Variants in KCTD19 observed in about 807,000 individuals in gnomAD.
The protein encoded by KCTD19 is potassium channel tetramerization domain containing 19, also known as BTB/POZ domain-containing protein KCTD19.
KCTD19 carries 67 observed loss-of-function variants against 103.5 expected under a neutral mutation model. The observed-to-expected ratio is 0.65, with a 90% CI of 0.53 to 0.79. KCTD19 has a LOEUF of 0.79. Ranked by LOEUF, KCTD19 falls within the 30% of genes least tolerant of loss-of-function variation. The pLI, the probability that KCTD19 is intolerant of heterozygous loss-of-function variation, is 0.00. For missense variants in KCTD19, 980 were observed against 1,136.1 expected (o/e 0.86, Z 1.98); for synonymous variants, 439 against 452.2 (o/e 0.97, Z 0.37).
chr16:67,303,108 C>CTGGGGGGGGGG lies in KCTD19; in HGVS notation c.643+37_643+38insCCCCCCCCCCA. ...ATGGGGAGGGGTGAATGGGCCCTAT[C>CTGGGGGGGGGG]AGCCCGCCCCCCACCCCACCCCGGA... is the stretch of plus-strand genomic sequence containing the variant. On this transcript the variant is annotated intron_variant, in intron 4 of 15. Transcript: ENST00000304372. The surrounding 1 kb of genome is among the most constrained non-coding windows in gnomAD (Gnocchi z 4.3). 10 of 798,072 alleles carry CTGGGGGGGGGG rather than the reference C, an allele frequency of 1.3e-5. No homozygotes were observed. Among genetic ancestry groups the CTGGGGGGGGGG allele is most frequent in the East Asian group, 2.8e-5 (1 of 36,056 alleles). The allele number at this position is 798,072 out of a possible 1,614,324, so 49.4% of individuals were successfully genotyped here.
intron 2 of KCTD19, among the ~76,000 whole-genome samples, chr16:67,306,548 C>T (rs1444306089): frequency 6.6e-6 from 1 of 152,176 alleles, no homozygotes; most frequent in East Asian, 1.9e-4. Context: ...GCGTGAGCCA[C>T]CGTGCCCGTC....
rs191992767 is a variant in KCTD19, at chr16:67,312,662, G to A, written c.300+7927C>T. Among the ~76,000 whole-genome samples the A allele has an allele frequency of 1.2e-4, 19 of 152,160 alleles. 1 individual carries two copies. Among genetic ancestry groups the A allele is most frequent in the Admixed American group, 1.2e-3 (19 of 15,284 alleles). On this transcript the variant is annotated intron_variant, in intron 2 of 15. Transcript: ENST00000304372. Reference sequence around the variant, plus strand: ...TCCTGATTTTCCTCCCTAAACCTGTGTACACATCCCTCAAAATCCACCATT... The same window carrying A: ...TCCTGATTTTCCTCCCTAAACCTGTATACACATCCCTCAAAATCCACCATT...
At chr16:67,301,967 TG>T (rs1293611986) in intron 4 of KCTD19, 45 bp from the exon 5 acceptor site, 22 of 1,605,714 alleles carry the variant, frequency 1.4e-5, no homozygotes, top group Non-Finnish European at 1.6e-5. Context: ...AGGCTATTTC[TG>T]GTTTAGCTGT....
Position 67,295,060 on chromosome 16 carries a change from C to A in KCTD19, c.1392-4G>T, listed in dbSNP as rs776962794. The A allele has an allele frequency of 1.9e-6, 3 of 1,613,290 alleles. 1 individual carries two copies. In the South Asian group the frequency reaches 3.3e-5, roughly 18 times the overall value. On this transcript the variant is annotated splice_polypyrimidine_tract_variant and splice_region_variant and intron_variant, in intron 9 of 15. Transcript: ENST00000304372. ...CTGGCAGAAGAGGGGCCATTCCCTGCAAACAACAAGGAGATATCCAGCTGG... is the reference window on the plus strand; with the variant it reads ...CTGGCAGAAGAGGGGCCATTCCCTGAAAACAACAAGGAGATATCCAGCTGG...
chr16:67,297,800 AT>A (rs1239753012), intron 6 of KCTD19, 137 bp from the exon 7 acceptor site: 10,737 of 680,610 alleles, frequency 0.016, no homozygotes, highest in South Asian at 0.023. Flanking sequence ...GTTTCCTTGT[AT>A]TTTTTTTTTA....
At chr16:67,322,989 T>C (rs1046736996) in intron 1 of KCTD19, among the ~76,000 whole-genome samples, 1 of 151,918 alleles carries the variant, frequency 6.6e-6, no homozygotes, top group East Asian at 1.9e-4. Flanking sequence ...GAAATGCAAA[T>C]CAAAACCCAC....
In KCTD19 at chr16:67,297,612, T is replaced by C. The variant is rs761093821; in HGVS notation, c.1038A>G (p.Val346=). 8 of 1,614,002 alleles carry C rather than the reference T, an allele frequency of 5.0e-6. No individual in the cohort carries two copies. The East Asian group carries it at 6.7e-5, about 13-fold the overall frequency. The change falls in exon 7 of 16, where the codon GTA becomes GTG. Residue 346 remains valine, a synonymous_variant. Transcript: ENST00000304372. The part of the protein sequence containing the change: ...RLPLTETISE[V]YELCAFLDKR... ...TGTCTAGGAAGGCACAGAGCTCATATACCTCGGAAATGGTCTCTGTCAGGG... is the reference window on the plus strand; with the variant it reads ...TGTCTAGGAAGGCACAGAGCTCATACACCTCGGAAATGGTCTCTGTCAGGG...
chr16:67,289,506 GGCTAT>G lies in KCTD19; in HGVS notation c.*58_*62del. On this transcript the variant is annotated 3_prime_UTR_variant, in exon 16 of 16. Transcript: ENST00000304372. ...CCCTCTGATGGGCACATGCATTCTG[GGCTAT>G]CTCCAATTAAAATGAGACTTGGCGG... The G allele has an allele frequency of 1.1e-6, 1 of 944,212 alleles. No individual in the cohort carries two copies. The highest frequency in any genetic ancestry group is 1.3e-5 in the South Asian group (1 of 76,286). 58.5% of individuals were successfully genotyped at this position (944,212 alleles called of 1,614,324 possible). A position where few individuals can be genotyped will look rare whatever the true frequency, so the allele number is the denominator to read the frequency against.
intron 15 of KCTD19, among the ~76,000 whole-genome samples, chr16:67,290,017 TGTTATAATAATGCTCTTG>T (rs1370629236): frequency 4.6e-5 from 7 of 152,110 alleles, no homozygotes; most frequent in Non-Finnish European, 8.8e-5. Flanking sequence ...TGGTGAAAGG[TGTTATAATAATGCTCTTG>T]ATTATAGAAG....
intron 1 of KCTD19, among the ~76,000 whole-genome samples, chr16:67,324,806 G>C (rs977372565): frequency 1.3e-5 from 2 of 152,170 alleles, no homozygotes; most frequent in Admixed American, 6.5e-5. Flanking sequence ...CCACATTTGA[G>C]ACTAGAAGAG....
chr16:67,322,351 G>A (rs2037084098), intron 1 of KCTD19, among the ~76,000 whole-genome samples: 1 of 149,292 alleles, frequency 6.7e-6, no homozygotes, highest in Admixed American at 6.7e-5. Context: ...AGCCTGGAGT[G>A]TAGTGGTAAC....
intron 12 of KCTD19, among the ~76,000 whole-genome samples, chr16:67,292,072 C>T (rs1156498260): frequency 2.6e-5 from 4 of 152,166 alleles, no homozygotes; most frequent in Admixed American, 6.5e-5. Context: ...TGGGGTTTCA[C>T]CAGGCTGGTC....
Position 67,289,666 on chromosome 16 carries a change from G to A in KCTD19, c.2684C>T (p.Ala895Val), listed in dbSNP as rs765090605. The A allele has an allele frequency of 6.2e-7, 1 of 1,613,804 alleles. No homozygotes were observed. Among genetic ancestry groups the A allele is most frequent in the South Asian group, 1.1e-5 (1 of 91,074 alleles). Residue 895 changes from alanine to valine, a missense_variant, in exon 16 of 16, where the codon GCC becomes GTC. By Grantham distance (64) the Ala-to-Val change is moderately conservative. Coordinates refer to ENST00000304372, the MANE Select transcript of KCTD19 (RefSeq NM_001100915.3). Reference sequence around the variant, plus strand: ...GTCCATGCATCGGCCATATTTCCTGGCGAAGGGCAGTGTAAGCTGGAAGGA... The same window carrying A: ...GTCCATGCATCGGCCATATTTCCTGACGAAGGGCAGTGTAAGCTGGAAGGA... ...YSWVELTLPF[A>V]RKYGRCMDLL...
In KCTD19 at chr16:67,293,487, A is replaced by T. The variant is rs1221788382; in HGVS notation, c.2218+57T>A. 1 of 1,565,802 alleles carries T rather than the reference A, an allele frequency of 6.4e-7. No homozygotes were observed. The highest frequency in any genetic ancestry group is 8.7e-7 in the Non-Finnish European group (1 of 1,152,954). ...CTAACTTGCTCTGCCATCTTGGCCAAAGAGTTTGCCTTCTCTGTTGTGAAT... is the reference window on the plus strand; with the variant it reads ...CTAACTTGCTCTGCCATCTTGGCCATAGAGTTTGCCTTCTCTGTTGTGAAT... On this transcript the variant is annotated intron_variant, in intron 12 of 15. Coordinates refer to ENST00000304372, the MANE Select transcript of KCTD19 (RefSeq NM_001100915.3). This position sits in a 1 kb window ranked among gnomAD's most constrained non-coding sequence, Gnocchi z 4.0.
At position 67,299,216 on chromosome 16, in the gene KCTD19, G is replaced by T. The variant is rs2036803910; in HGVS notation, c.986+147C>A. 8.1e-5 allele frequency: 59 copies of T among 729,236 alleles called. No individual in the cohort carries two copies. In the South Asian group the frequency reaches 1.0e-3, roughly 13 times the overall value. The allele number at this position is 729,236 out of a possible 1,614,324, so 45.2% of individuals were successfully genotyped here. ...GCCCTAACCTGGTGGTAGTGTGGCG[G>T]TGCTGGTGATGGTAATGGCTAAAAT... On this transcript the variant is annotated intron_variant, in intron 6 of 15. Transcript: ENST00000304372.
chr16:67,303,108 C>CGGGGGGGGGGGGGGGCGGG lies in KCTD19; in HGVS notation c.643+37_643+38insCCCGCCCCCCCCCCCCCCC. On this transcript the variant is annotated intron_variant, in intron 4 of 15. Coordinates refer to ENST00000304372, the MANE Select transcript of KCTD19 (RefSeq NM_001100915.3). This position sits in a 1 kb window ranked among gnomAD's most constrained non-coding sequence, Gnocchi z 4.3. ...ATGGGGAGGGGTGAATGGGCCCTAT[C>CGGGGGGGGGGGGGGGCGGG]AGCCCGCCCCCCACCCCACCCCGGA... 1 of 798,078 alleles carries CGGGGGGGGGGGGGGGCGGG rather than the reference C, an allele frequency of 1.3e-6. No individual in the cohort carries two copies. The allele number at this position is 798,078 out of a possible 1,614,324, so 49.4% of individuals were successfully genotyped here.
chr16:67,296,092 G>C (rs2036761064), intron 8 of KCTD19, 67 bp downstream of exon 8: 1 of 928,606 alleles, frequency 1.1e-6, no homozygotes, highest in African/African-American at 1.6e-5. Context: ...AGGGCCAGGT[G>C]ATGGCCCCCA....
intron 10 of KCTD19, 136 bp from the exon 11 acceptor site, chr16:67,294,830 G>T: frequency 1.1e-6 from 1 of 931,342 alleles, no homozygotes; most frequent in Non-Finnish European, 1.7e-6. Flanking sequence ...GTTTTGCCTA[G>T]GTCACTGGCC....
At chr16:67,316,007 C>T (rs2037009937) in intron 2 of KCTD19, among the ~76,000 whole-genome samples, 1 of 152,134 alleles carries the variant, frequency 6.6e-6, no homozygotes, top group Non-Finnish European at 1.5e-5. Flanking sequence ...TCAAATGTTG[C>T]CTTGTCAATG....
Sources: gnomAD v4.1 joint callset for allele counts (sites outside exome capture counted in the v4.1 genomes callset) on GRCh38, gnomAD v4.1.1 for gene constraint, Gnocchi (gnomAD v3.1) non-coding constraint, MANE v1.5 for transcripts, NCBI Gene and HGNC (gene_info 2026-07-23, HGNC 2026-07-21) for gene names.